The following DPP6 variants were observed in gnomAD, a reference collection of about 807,000 sequenced individuals.
The protein encoded by DPP6 is A-type potassium channel modulatory protein DPP6.
In DPP6, 69 loss-of-function variants were observed where a neutral mutation model predicts 122.6. That is an observed-to-expected ratio of 0.56 (90% confidence interval 0.46 to 0.69). The LOEUF is 0.69. DPP6 is among the 30% of genes least tolerant of loss of function. The pLI, the probability that DPP6 is intolerant of heterozygous loss-of-function variation, is 0.00. For synonymous variants in DPP6, 418 were observed against 433.1 expected (o/e 0.97, Z 0.43); for missense variants, 928 against 1,116.9 (o/e 0.83, Z 2.41).
Position 153,966,554 on chromosome 7 carries a change from CTTTTTTTTTTTTTTTTT to C in DPP6, c.51+78837_51+78853del, listed in dbSNP as rs753840054. Among the ~76,000 whole-genome samples, 62 of 41,352 alleles carry C rather than the reference CTTTTTTTTTTTTTTTTT, an allele frequency of 1.5e-3. 3 individuals carry two copies. Among genetic ancestry groups the C allele is most frequent in the South Asian group, 3.8e-3 (3 of 780 alleles). 27.1% of individuals were successfully genotyped at this position (41,352 alleles called of 152,430 possible). A position where few individuals can be genotyped will look rare whatever the true frequency, so the allele number is the denominator to read the frequency against. On this transcript the variant is annotated intron_variant, in intron 1 of 25. Transcript: ENST00000404039. ...AATTAAACGGTCTGTCCTGTGTTGG[CTTTTTTTTTTTTTTTTT>C]TTTTTTTTTTTTTTTTACTGCATAT... is the stretch of plus-strand genomic sequence containing the variant.
intron 1 of DPP6, among the ~76,000 whole-genome samples, chr7:154,352,524 A>G (rs1479957113): frequency 6.6e-6 from 1 of 152,338 alleles, no homozygotes; most frequent in Middle Eastern, 3.4e-3. Context: ...TTAAAAATGC[A>G]GGGACATGGA....
At chr7:154,423,775 A>C (rs1274615189) in intron 1 of DPP6, among the ~76,000 whole-genome samples, 1 of 152,254 alleles carries the variant, frequency 6.6e-6, no homozygotes, top group Non-Finnish European at 1.5e-5. Context: ...AGATGCCTCT[A>C]TTAATCACTT....
intron 10 of DPP6, among the ~76,000 whole-genome samples, chr7:154,784,943 C>A (rs981838677): frequency 6.6e-6 from 1 of 152,076 alleles, no homozygotes; most frequent in African/African-American, 2.4e-5. Context: ...AAACTTATTT[C>A]TTGAGGAGCT....
intron 1 of DPP6, among the ~76,000 whole-genome samples, chr7:154,425,572 T>G (rs1416238945): frequency 6.6e-6 from 1 of 151,568 alleles, no homozygotes; most frequent in Non-Finnish European, 1.5e-5. Context: ...GGAATTTCTT[T>G]CTTCTGTTTA....
intron 1 of DPP6, among the ~76,000 whole-genome samples, chr7:154,082,729 T>C (rs1411567056): frequency 6.6e-6 from 1 of 152,054 alleles, no homozygotes; most frequent in African/African-American, 2.4e-5. Context: ...TTGCTAATGC[T>C]GGTCCTGCTG....
intron 1 of DPP6, among the ~76,000 whole-genome samples, chr7:154,012,750 C>T (rs547598216): frequency 2.0e-5 from 3 of 152,214 alleles, no homozygotes; most frequent in Admixed American, 2.0e-4. Flanking sequence ...TGGTCTATTT[C>T]TATGGAGTTA....
intron 1 of DPP6, among the ~76,000 whole-genome samples, chr7:154,131,901 G>C (rs1452959394): frequency 6.6e-6 from 1 of 152,062 alleles, no homozygotes; most frequent in Non-Finnish European, 1.5e-5. Flanking sequence ...TCTCTGAAAA[G>C]TTAAATATTA....
intron 1 of DPP6, among the ~76,000 whole-genome samples, chr7:153,945,141 C>A (rs1479239261): frequency 1.3e-5 from 2 of 152,178 alleles, no homozygotes; most frequent in Non-Finnish European, 2.9e-5. Context: ...AGTTTTGACC[C>A]TGCTGGTGCC....
chr7:154,178,869 C>T (rs1033978291), intron 1 of DPP6, among the ~76,000 whole-genome samples: 3 of 152,118 alleles, frequency 2.0e-5, no homozygotes, highest in Non-Finnish European at 2.9e-5. Flanking sequence ...GTTGGCATGT[C>T]CACCACTAGC....
At chr7:154,795,639 G>A (rs1156623521) in intron 11 of DPP6, among the ~76,000 whole-genome samples, 1 of 152,080 alleles carries the variant, frequency 6.6e-6, no homozygotes, top group Non-Finnish European at 1.5e-5. Flanking sequence ...CTTGTGTTTG[G>A]CTCCGAGCCA....
chr7:154,750,472 T>C (rs1380218626), intron 8 of DPP6, among the ~76,000 whole-genome samples: 1 of 152,190 alleles, frequency 6.6e-6, no homozygotes, highest in Non-Finnish European at 1.5e-5. Flanking sequence ...GAAAGAAACT[T>C]AGCCAGGCAC....
intron 1 of DPP6, among the ~76,000 whole-genome samples, chr7:154,215,699 A>T (rs990306317): frequency 1.3e-5 from 2 of 152,084 alleles, no homozygotes; most frequent in African/African-American, 4.8e-5. Context: ...GCAGCATCTC[A>T]GCTTCCACCT....
At chr7:154,031,904 C>T (rs1308128400) in intron 1 of DPP6, among the ~76,000 whole-genome samples, 1 of 149,526 alleles carries the variant, frequency 6.7e-6, no homozygotes, top group Middle Eastern at 3.2e-3. Context: ...CTCTGTCACC[C>T]AGGCTGGAGC....
chr7:154,677,391 GT>G (rs5888586), intron 7 of DPP6, among the ~76,000 whole-genome samples: 18,408 of 151,880 alleles, frequency 0.12, 1,206 homozygotes, highest in African/African-American at 0.16. Context: ...GAGTTGAGGG[GT>G]TTTTTTTGCA....
chr7:153,818,900 T>C, the DPP6 span, among the ~76,000 whole-genome samples: 11 of 151,838 alleles, frequency 7.2e-5, no homozygotes, highest in Middle Eastern at 3.4e-3. Context: ...TACAGGTGCA[T>C]GCCACCACGC....
chr7:154,051,761 G>C (rs1490841555), upstream of DPP6, among the ~76,000 whole-genome samples: 2 of 150,734 alleles, frequency 1.3e-5, no homozygotes, highest in African/African-American at 4.9e-5. Flanking sequence ...GGGCCTCTGG[G>C]CGTCCTCTGC....
rs1227223588 is a variant in DPP6, at chr7:154,831,885, G to T, written c.1667-21895G>T. Among the ~76,000 whole-genome samples the T allele has an allele frequency of 2.0e-5, 3 of 152,194 alleles. No individual in the cohort carries two copies. In the East Asian group the frequency reaches 5.8e-4, roughly 29 times the overall value. ...ACCAGTAGGAACTGAGCTGTGTATA[G>T]TCAGCTGCTAGCTTGAGATTCTGAC... On this transcript the variant is annotated intron_variant, in intron 16 of 25. Coordinates refer to ENST00000377770, the MANE Select transcript of DPP6 (RefSeq NM_130797.4).
At chr7:154,166,297 G>T (rs1797243735) in intron 1 of DPP6, among the ~76,000 whole-genome samples, 1 of 152,118 alleles carries the variant, frequency 6.6e-6, no homozygotes, top group Non-Finnish European at 1.5e-5. Flanking sequence ...GACGTTCTTG[G>T]GGAGGGAGGG....
chr7:154,063,540 G>A (rs1163645634), intron 1 of DPP6, among the ~76,000 whole-genome samples: 2 of 128,270 alleles, frequency 1.6e-5, no homozygotes, highest in African/African-American at 5.7e-5. Context: ...CACCCCCCGC[G>A]AGGGTGGGGA....
Sources: allele counts gnomAD v4.1 joint callset (sites outside exome capture counted in the v4.1 genomes callset), GRCh38; gene constraint gnomAD v4.1.1; transcripts MANE v1.5; gene names NCBI Gene and HGNC (gene_info 2026-07-23, HGNC 2026-07-21).